RAPGEF2: variants seen among roughly 807,000 people sequenced by gnomAD.
RAPGEF2 encodes the protein PDZ domain containing guanine nucleotide exchange factor (GEF) 1.
A neutral mutation model predicts 186.7 loss-of-function variants in RAPGEF2; 54 were observed. The observed-to-expected ratio is 0.29, with a 90% CI of 0.23 to 0.36. The LOEUF (loss-of-function observed/expected upper bound fraction) is 0.36. Among genes scored for constraint, RAPGEF2 ranks in the 10% least tolerant of loss-of-function variants. RAPGEF2 has a pLI of 1.00. For synonymous variants in RAPGEF2, 712 were observed against 705.9 expected (o/e 1.01, Z -0.14); for missense variants, 1,532 against 2,045.0 (o/e 0.75, Z 4.84).
intron 8 of RAPGEF2, among the ~76,000 whole-genome samples, chr4:159,311,587 G>A (rs1386226163): frequency 6.6e-6 from 1 of 152,166 alleles, no homozygotes; most frequent in Admixed American, 6.5e-5. Flanking sequence ...TCGATGATAA[G>A]ATGGGCTTGT....
chr4:159,130,614 ATTAGAG>A (rs1740927959), intron 1 of RAPGEF2, among the ~76,000 whole-genome samples: 1 of 152,208 alleles, frequency 6.6e-6, no homozygotes, highest in African/African-American at 2.4e-5. Flanking sequence ...TTTTTAAACA[ATTAGAG>A]TTAGTAGAGT....
At chr4:159,164,933 G>A (rs1745140312) in intron 1 of RAPGEF2, among the ~76,000 whole-genome samples, 1 of 151,932 alleles carries the variant, frequency 6.6e-6, no homozygotes, top group Non-Finnish European at 1.5e-5. Context: ...CACACAGGAT[G>A]GTATAAAATA....
intron 29 of RAPGEF2, 143 bp downstream of exon 29, chr4:159,356,301 A>C: frequency 2.2e-6 from 2 of 893,166 alleles, no homozygotes; most frequent in Non-Finnish European, 3.3e-6. Flanking sequence ...TCAGAGTTCC[A>C]AATTTAGGGT....
intron 7 of RAPGEF2, among the ~76,000 whole-genome samples, chr4:159,285,153 G>A (rs897951198): frequency 6.6e-6 from 1 of 152,084 alleles, no homozygotes; most frequent in African/African-American, 2.4e-5. Flanking sequence ...ATTAGAATAA[G>A]CCCTATTTAG....
At chr4:159,227,970 G>T (rs1276584798) in intron 4 of RAPGEF2, among the ~76,000 whole-genome samples, 1 of 152,158 alleles carries the variant, frequency 6.6e-6, no homozygotes, top group African/African-American at 2.4e-5. Context: ...CAAAGCATTT[G>T]ACCTTGAAGA....
chr4:159,304,670 A>G (rs1348325244), intron 8 of RAPGEF2, among the ~76,000 whole-genome samples, 197 bp downstream of exon 8: 1 of 152,134 alleles, frequency 6.6e-6, no homozygotes, highest in Admixed American at 6.6e-5. Context: ...TGCCTCTGCT[A>G]TGACGAGTTA....
intron 1 of RAPGEF2, among the ~76,000 whole-genome samples, chr4:159,119,905 A>AT (rs1739471120): frequency 6.6e-6 from 1 of 152,126 alleles, no homozygotes; most frequent in South Asian, 2.1e-4. Flanking sequence ...AATGTATTTC[A>AT]TTTTTTTGGG....
chr4:159,343,963 T>C, intron 22 of RAPGEF2, 73 bp from the exon 23 acceptor site: 1 of 1,477,726 alleles, frequency 6.8e-7, no homozygotes. Context: ...TCTAGTCCTT[T>C]CTTTCTGAGC....
chr4:159,146,202 A>G (rs1249394006), intron 1 of RAPGEF2, among the ~76,000 whole-genome samples: 1 of 152,172 alleles, frequency 6.6e-6, no homozygotes, highest in Non-Finnish European at 1.5e-5. Context: ...TTATCACTGT[A>G]AGGAGAATGA....
intron 7 of RAPGEF2, among the ~76,000 whole-genome samples, chr4:159,299,358 A>G (rs1337032321): frequency 6.6e-6 from 1 of 151,624 alleles, no homozygotes; most frequent in Non-Finnish European, 1.5e-5. Flanking sequence ...TTTTGTTTTT[A>G]ACTATTGGAT....
intron 25 of RAPGEF2, among the ~76,000 whole-genome samples, chr4:159,347,254 ATTAAT>A (rs1032763955): frequency 1.7e-4 from 26 of 152,304 alleles, no homozygotes; most frequent in Admixed American, 3.9e-4. Flanking sequence ...TTATGTGTCT[ATTAAT>A]TTAATTTTTG....
intron 2 of RAPGEF2, among the ~76,000 whole-genome samples, chr4:159,191,783 A>G (rs1436553401): frequency 2.6e-5 from 4 of 152,146 alleles, no homozygotes; most frequent in Non-Finnish European, 5.9e-5. Flanking sequence ...ACAACTCTAA[A>G]AGATTTTCTG....
At chr4:159,324,519 A>G (rs1015314277) in intron 11 of RAPGEF2, among the ~76,000 whole-genome samples, 3 of 152,266 alleles carry the variant, frequency 2.0e-5, no homozygotes, top group African/African-American at 7.2e-5. Context: ...TAAAATGCAC[A>G]TTATGAAGTA....
At chr4:159,240,651 G>A (rs1381326705) in intron 5 of RAPGEF2, among the ~76,000 whole-genome samples, 2 of 151,700 alleles carry the variant, frequency 1.3e-5, no homozygotes, top group African/African-American at 4.8e-5. Flanking sequence ...TTTTAAATGA[G>A]GAATTACTTT....
chr4:159,282,240 C>T (rs761556736), intron 7 of RAPGEF2, among the ~76,000 whole-genome samples: 35 of 152,296 alleles, frequency 2.3e-4, no homozygotes, highest in Middle Eastern at 6.8e-3. Flanking sequence ...CTTCATAGAA[C>T]ATGATTTTCT....
intron 1 of RAPGEF2, among the ~76,000 whole-genome samples, chr4:159,178,660 C>T (rs1479308748): frequency 1.4e-5 from 2 of 143,542 alleles, no homozygotes; most frequent in Admixed American, 7.4e-5. Context: ...CGGGTTCAAG[C>T]GATTCTCCTG....
At chr4:159,139,815 A>C (rs564815704) in intron 1 of RAPGEF2, among the ~76,000 whole-genome samples, 20 of 152,302 alleles carry the variant, frequency 1.3e-4, no homozygotes, top group Admixed American at 5.9e-4. Flanking sequence ...TAAATGGAAA[A>C]TACCTCAATG....
chr4:159,161,900 A>T (rs1189655794), intron 1 of RAPGEF2, among the ~76,000 whole-genome samples: 1 of 152,216 alleles, frequency 6.6e-6, no homozygotes, highest in African/African-American at 2.4e-5. Flanking sequence ...TAAGACTTTT[A>T]AAAAGTGAGC....
chr4:159,223,076 T>C (rs1196422498), intron 4 of RAPGEF2, among the ~76,000 whole-genome samples: 1 of 152,146 alleles, frequency 6.6e-6, no homozygotes, highest in East Asian at 1.9e-4. Context: ...TAGATATTTA[T>C]ATTATTGCTT....
Sources: allele counts gnomAD v4.1 joint callset (sites outside exome capture counted in the v4.1 genomes callset), GRCh38; gene constraint gnomAD v4.1.1; transcripts MANE v1.5; gene names NCBI Gene and HGNC (gene_info 2026-07-23, HGNC 2026-07-21).